Variants in TOX observed in about 807,000 individuals in gnomAD.
TOX encodes the protein thymocyte selection associated high mobility group box, also known as thymocyte selection-associated high mobility group box protein TOX.
In TOX, 11 loss-of-function variants were observed where a neutral mutation model predicts 53.7. That is an observed-to-expected ratio of 0.20 (90% CI 0.13 to 0.34). The LOEUF is 0.34. Among genes scored for constraint, TOX ranks in the 10% least tolerant of loss-of-function variants. The probability of loss-of-function intolerance (pLI) is 1.00; values close to 1 mark genes in which losing one functional copy is unlikely to be tolerated. For synonymous variants in TOX, 225 were observed against 245.3 expected, an observed-to-expected ratio of 0.92 and a Z score of 0.77; for missense variants, 570 against 664.6, an observed-to-expected ratio of 0.86 and a Z score of 1.56.
rs1810832146 is a variant in TOX, at chr8:58,851,893, A to G, written c.412-88T>C. The G allele has an allele frequency of 1.8e-6, 2 of 1,136,870 alleles. No individual in the cohort carries two copies. The highest frequency in any genetic ancestry group is 3.4e-5 in the East Asian group (1 of 29,506). The allele number at this position is 1,136,870 out of a possible 1,614,324, so 70.4% of individuals were successfully genotyped here. ...CAAATATGTTTTGGGCAAAAAAGTA[A>G]TAATTCTTTAGATTTCCAGATGTTC... On this transcript the variant is annotated intron_variant, in intron 3 of 8. Coordinates refer to ENST00000361421, the MANE Select transcript of TOX (RefSeq NM_014729.3). This position sits in a 1 kb window ranked among gnomAD's most constrained non-coding sequence, Gnocchi z 4.4.
At chr8:58,926,557 AAGT>A (rs1180834737) in intron 3 of TOX, among the ~76,000 whole-genome samples, 2 of 152,242 alleles carry the variant, frequency 1.3e-5, no homozygotes, top group African/African-American at 4.8e-5. Flanking sequence ...ACATTAGAAA[AAGT>A]AGCAGGAATT....
At chr8:59,001,062 T>A (rs1487455777) in intron 1 of TOX, among the ~76,000 whole-genome samples, 1 of 152,150 alleles carries the variant, frequency 6.6e-6, no homozygotes, top group Non-Finnish European at 1.5e-5. Flanking sequence ...ATTATAGTAG[T>A]CTTTGCACAG....
chr8:58,873,040 T>C (rs1284430515), intron 3 of TOX, among the ~76,000 whole-genome samples: 2 of 152,112 alleles, frequency 1.3e-5, no homozygotes, highest in Admixed American at 6.6e-5. Context: ...TTTTTAAAAA[T>C]TGCCCCAGTT....
intron 1 of TOX, among the ~76,000 whole-genome samples, chr8:58,971,907 T>C (rs1585933374): frequency 6.6e-6 from 1 of 152,176 alleles, no homozygotes; most frequent in Non-Finnish European, 1.5e-5. Flanking sequence ...GCCAGGCTGG[T>C]CTTGAACTCC....
intron 1 of TOX, among the ~76,000 whole-genome samples, chr8:59,109,555 A>C (rs1804975595): frequency 6.6e-6 from 1 of 152,126 alleles, no homozygotes; most frequent in Non-Finnish European, 1.5e-5. Context: ...CTGTACCTGA[A>C]CTGCTGCCAT....
intron 1 of TOX, among the ~76,000 whole-genome samples, chr8:59,047,210 T>TG (rs1803703872): frequency 1.8e-5 from 2 of 108,302 alleles, no homozygotes; most frequent in Admixed American, 1.8e-4. Flanking sequence ...ATTGTTTTTT[T>TG]TTTTTTTTTT....
intron 1 of TOX, among the ~76,000 whole-genome samples, chr8:58,982,312 G>A (rs1449196048): frequency 1.3e-5 from 2 of 152,148 alleles, no homozygotes; most frequent in African/African-American, 4.8e-5. Flanking sequence ...GAGGAATGGC[G>A]TACACACCCT....
chr8:59,015,808 T>C (rs943076521), intron 1 of TOX, among the ~76,000 whole-genome samples: 1 of 152,192 alleles, frequency 6.6e-6, no homozygotes, highest in Non-Finnish European at 1.5e-5. Context: ...ACAGTGATAA[T>C]GTGCTCATAG....
rs144783937 is a variant in TOX at position 58,826,215 on chromosome 8, T to C, written c.1005+607A>G. On this transcript the variant is annotated intron_variant, in intron 6 of 8. Transcript: ENST00000361421. ...TGCGACATGAGATAACAGTGTCTAATGCTTATAGACTCAGTCCATTTCTCT... is the reference window on the plus strand; with the variant it reads ...TGCGACATGAGATAACAGTGTCTAACGCTTATAGACTCAGTCCATTTCTCT... 5.1e-3 allele frequency among the ~76,000 whole-genome samples: 778 copies of C among 152,340 alleles called. 6 individuals are homozygous for C. Among genetic ancestry groups the C allele is most frequent in the African/African-American group, 0.018 (729 of 41,582 alleles).
chr8:58,861,237 C>A (rs527590887), intron 3 of TOX, among the ~76,000 whole-genome samples: 2 of 152,192 alleles, frequency 1.3e-5, no homozygotes, highest in Admixed American at 1.3e-4. Flanking sequence ...GAGAGGCTCA[C>A]GGACTAAAGG....
Position 58,920,780 on chromosome 8 carries a change from G to C in TOX, c.411+18522C>G, listed in dbSNP as rs185036671. On this transcript the variant is annotated intron_variant, in intron 3 of 8. Transcript: ENST00000361421. ...AAAAAAAGAATCTCTGATCTAGACA[G>C]TAAGCTAGGTAATAACTACTCTGTG... 5.3e-5 allele frequency among the ~76,000 whole-genome samples: 7 copies of C among 133,256 alleles called. No individual in the cohort carries two copies. The Admixed American group carries it at 5.4e-4, about 10-fold the overall frequency. The allele number at this position is 133,256 out of a possible 152,430, so 87.4% of individuals were successfully genotyped here. A position where few individuals can be genotyped will look rare whatever the true frequency, so the allele number is the denominator to read the frequency against.
chr8:58,817,576 G>A (rs1233826119), intron 6 of TOX, among the ~76,000 whole-genome samples: 3 of 152,110 alleles, frequency 2.0e-5, no homozygotes, highest in Non-Finnish European at 2.9e-5. Flanking sequence ...AAATTATTCC[G>A]TATATGCCAG....
At chr8:58,965,008 A>G (rs1457177105) in intron 1 of TOX, among the ~76,000 whole-genome samples, 1 of 152,156 alleles carries the variant, frequency 6.6e-6, no homozygotes, top group Admixed American at 6.5e-5. Context: ...ATAAAATCGT[A>G]TTTATTAAAT....
chr8:58,929,871 T>C (rs1316285710), intron 3 of TOX, among the ~76,000 whole-genome samples: 1 of 152,184 alleles, frequency 6.6e-6, no homozygotes. Context: ...AATATACTCC[T>C]TTAGAAGTCT....
intron 3 of TOX, among the ~76,000 whole-genome samples, chr8:58,903,447 T>A (rs141640098): frequency 6.6e-6 from 1 of 152,214 alleles, no homozygotes; most frequent in Non-Finnish European, 1.5e-5. Flanking sequence ...CTGTGTAGTT[T>A]CAACTGGATA....
At chr8:58,954,847 G>A (rs1812683750) in intron 2 of TOX, among the ~76,000 whole-genome samples, 1 of 152,202 alleles carries the variant, frequency 6.6e-6, no homozygotes, top group African/African-American at 2.4e-5. Flanking sequence ...TGTTTTGGGT[G>A]TTTGAACAGG....
At position 58,974,156 on chromosome 8, in the gene TOX, T is replaced by G. The variant is rs112744531; in HGVS notation, c.103-14148A>C. On this transcript the variant is annotated intron_variant, in intron 1 of 8. Coordinates refer to ENST00000361421, the MANE Select transcript of TOX (RefSeq NM_014729.3). ...CCAGCCTGGGGAGGGCACTTAACAT[T>G]TGACAATGTCTGGAGGTACTTTTGA... Among the ~76,000 whole-genome samples, 884 of 152,278 alleles carry G rather than the reference T, an allele frequency of 5.8e-3. 4 individuals carry two copies. The highest frequency in any genetic ancestry group is 0.02 in the African/African-American group (844 of 41,544).
intron 3 of TOX, among the ~76,000 whole-genome samples, chr8:58,895,117 G>C (rs982444187): frequency 2.0e-5 from 3 of 152,210 alleles, no homozygotes; most frequent in East Asian, 1.9e-4. Flanking sequence ...CAACCGGGGA[G>C]GGGGAGGTTG....
At chr8:59,111,566 A>G (rs1430171871) in intron 1 of TOX, among the ~76,000 whole-genome samples, 2 of 152,114 alleles carry the variant, frequency 1.3e-5, no homozygotes, top group Admixed American at 1.3e-4. Context: ...ACACATGCAC[A>G]CACAAATCCA....
Sources: gnomAD v4.1 joint callset for allele counts (sites outside exome capture counted in the v4.1 genomes callset) on GRCh38, gnomAD v4.1.1 for gene constraint, Gnocchi (gnomAD v3.1) non-coding constraint, MANE v1.5 for transcripts, NCBI Gene and HGNC (gene_info 2026-07-23, HGNC 2026-07-21) for gene names.